TNIK: variants seen among roughly 807,000 people sequenced by gnomAD.
TNIK encodes the protein TRAF2 and NCK-interacting protein kinase.
A neutral mutation model predicts 191.3 loss-of-function variants in TNIK; 49 were observed. That is an observed-to-expected ratio of 0.26 (90% CI 0.20 to 0.32). TNIK has a LOEUF of 0.32. TNIK is among the 10% of genes least tolerant of loss of function. The probability of loss-of-function intolerance (pLI) is 1.00; values close to 1 mark genes in which losing one functional copy is unlikely to be tolerated. For synonymous variants in TNIK, 594 were observed against 600.9 expected (o/e 0.99, Z 0.17); for missense variants, 1,155 against 1,702.3 (o/e 0.68, Z 5.66).
At chr3:171,333,748 C>T (rs916160301) in intron 2 of TNIK, among the ~76,000 whole-genome samples, 2 of 152,348 alleles carry the variant, frequency 1.3e-5, no homozygotes, top group South Asian at 2.1e-4. Flanking sequence ...CCCTATCCTA[C>T]TACAAGGTCT....
At chr3:171,300,237 T>G (rs148181381) in intron 2 of TNIK, among the ~76,000 whole-genome samples, 1 of 152,292 alleles carries the variant, frequency 6.6e-6, no homozygotes, top group East Asian at 1.9e-4. Flanking sequence ...GGCAAACCTA[T>G]GTACCTATGA....
At chr3:171,165,711 A>G (rs151180180) in intron 10 of TNIK, among the ~76,000 whole-genome samples, 47 of 152,336 alleles carry the variant, frequency 3.1e-4, no homozygotes, top group African/African-American at 1.1e-3. Context: ...GAACAAGCAC[A>G]TCACCATGTG....
At chr3:171,129,181 A>G (rs998053707) in intron 15 of TNIK, among the ~76,000 whole-genome samples, 2 of 152,208 alleles carry the variant, frequency 1.3e-5, no homozygotes, top group Non-Finnish European at 2.9e-5. Context: ...ATATTATCTT[A>G]CTGATTGGTC....
intron 16 of TNIK, among the ~76,000 whole-genome samples, chr3:171,127,173 A>G (rs1728592428): frequency 6.6e-6 from 1 of 152,212 alleles, no homozygotes. Flanking sequence ...TTCAACAAAC[A>G]TTAGTTTAAT....
chr3:171,424,924 G>T lies in TNIK; in HGVS notation c.57+35083C>A, dbSNP rs535678794. Among the ~76,000 whole-genome samples the T allele has an allele frequency of 1.3e-4, 19 of 151,194 alleles. 1 individual carries two copies. The highest frequency in any genetic ancestry group is 3.4e-3 in the Middle Eastern group (1 of 294). On this transcript the variant is annotated intron_variant, in intron 1 of 32. Coordinates refer to ENST00000436636, the MANE Select transcript of TNIK (RefSeq NM_015028.4). Reference sequence around the variant, plus strand: ...GGTGCAGCACACCAACATGGCACATGTATATATATGTAACAAACCTGCACG... The same window carrying T: ...GGTGCAGCACACCAACATGGCACATTTATATATATGTAACAAACCTGCACG...
rs532225365 is a variant in TNIK, at chr3:171,304,378, G to A, written c.123+65242C>T. On this transcript the variant is annotated intron_variant, in intron 2 of 32. Coordinates refer to ENST00000436636, the MANE Select transcript of TNIK (RefSeq NM_015028.4). Reference sequence around the variant, plus strand: ...GGAAACAACAGGTCCTGGAGAGGATGTGGAGAAATAGGAACACTTTTACAC... The same window carrying A: ...GGAAACAACAGGTCCTGGAGAGGATATGGAGAAATAGGAACACTTTTACAC... Among the ~76,000 whole-genome samples, 101 of 152,272 alleles carry A rather than the reference G, an allele frequency of 6.6e-4. 1 individual carries two copies. The East Asian group carries it at 0.017, about 26-fold the overall frequency.
chr3:171,064,861 A>G (rs1718225650), intron 32 of TNIK, among the ~76,000 whole-genome samples: 1 of 152,224 alleles, frequency 6.6e-6, no homozygotes, highest in African/African-American at 2.4e-5. Flanking sequence ...CTTCAGAAGA[A>G]TGCTAACAAC....
chr3:171,286,604 C>T (rs949968715), intron 2 of TNIK, among the ~76,000 whole-genome samples: 5 of 152,172 alleles, frequency 3.3e-5, no homozygotes, highest in Non-Finnish European at 5.9e-5. Context: ...CCCTGCACTC[C>T]AGCTTGGGCA....
At chr3:171,406,437 TA>T (rs201940691) in intron 1 of TNIK, among the ~76,000 whole-genome samples, 36 of 151,660 alleles carry the variant, frequency 2.4e-4, no homozygotes, top group South Asian at 8.4e-4. Flanking sequence ...TTTATTTATT[TA>T]TTTTTTTTTA....
chr3:171,342,441 G>T (rs940283812), intron 2 of TNIK, among the ~76,000 whole-genome samples: 4 of 152,094 alleles, frequency 2.6e-5, no homozygotes, highest in Admixed American at 2.6e-4. Flanking sequence ...TTTGCTTGTT[G>T]CAATCACTCA....
At chr3:171,108,548 T>G (rs1725336559) in intron 19 of TNIK, among the ~76,000 whole-genome samples, 1 of 152,206 alleles carries the variant, frequency 6.6e-6, no homozygotes, top group African/African-American at 2.4e-5. Flanking sequence ...GACACAACTG[T>G]CCGGAGGTCA....
intron 18 of TNIK, among the ~76,000 whole-genome samples, chr3:171,114,286 A>G (rs1726350442): frequency 6.6e-6 from 1 of 152,204 alleles, no homozygotes. Context: ...GCCGTGAGAT[A>G]TTATATTAAA....
rs759270970 is a variant in TNIK at position 171,293,296 on chromosome 3, C to A, written c.124-65075G>T. On this transcript the variant is annotated intron_variant, in intron 2 of 32. Transcript: ENST00000436636. ...TGCAGAAGTCTCATTTTACTCCACG[C>A]CTACAAGATTCACAATGTATCTTCT... Among the ~76,000 whole-genome samples, 79 of 152,284 alleles carry A rather than the reference C, an allele frequency of 5.2e-4. 1 individual carries two copies. The highest frequency in any genetic ancestry group is 3.4e-3 in the Middle Eastern group (1 of 294).
intron 1 of TNIK, among the ~76,000 whole-genome samples, chr3:171,446,550 T>C (rs1727521424): frequency 6.6e-6 from 1 of 152,236 alleles, no homozygotes; most frequent in African/African-American, 2.4e-5. Flanking sequence ...ATTTTAATAG[T>C]TTCTTACTTA....
chr3:171,422,297 A>C (rs889333464), intron 1 of TNIK, among the ~76,000 whole-genome samples: 1 of 151,990 alleles, frequency 6.6e-6, no homozygotes, highest in Non-Finnish European at 1.5e-5. Context: ...TAAAGTAGTA[A>C]AAGACATACA....
chr3:171,069,559 T>C (rs1165875771), intron 29 of TNIK, among the ~76,000 whole-genome samples: 1 of 152,130 alleles, frequency 6.6e-6, no homozygotes, highest in Non-Finnish European at 1.5e-5. Context: ...GTTTGGGTGG[T>C]AGAGAAAGAG....
chr3:171,079,797 G>T, intron 27 of TNIK, 145 bp from the exon 28 acceptor site: 1 of 1,018,526 alleles, frequency 9.8e-7, no homozygotes, highest in Non-Finnish European at 1.4e-6. Context: ...CCAGCACTTT[G>T]TCATTAAAAT....
chr3:171,149,601 G>T (rs1732157713), intron 12 of TNIK, among the ~76,000 whole-genome samples: 2 of 152,194 alleles, frequency 1.3e-5, no homozygotes. Context: ...TCCACTGGGA[G>T]GTGGGGTTCC....
chr3:171,073,427 A>AAACC (rs1222804343), intron 28 of TNIK, among the ~76,000 whole-genome samples: 1 of 152,156 alleles, frequency 6.6e-6, no homozygotes, highest in African/African-American at 2.4e-5. Flanking sequence ...TATAATAAGA[A>AAACC]AACCTAGGAA....
Sources: gnomAD v4.1 joint callset for allele counts (sites outside exome capture counted in the v4.1 genomes callset) on GRCh38, gnomAD v4.1.1 for gene constraint, MANE v1.5 for transcripts, NCBI Gene and HGNC (gene_info 2026-07-23, HGNC 2026-07-21) for gene names.